The following IGSF11 variants were observed in gnomAD, a reference collection of about 807,000 sequenced individuals.
IGSF11 encodes the protein immunoglobulin superfamily member 11.
A neutral mutation model predicts 41.0 loss-of-function variants in IGSF11; 22 were observed. That is an observed-to-expected ratio of 0.54 (90% confidence interval 0.38 to 0.77). The LOEUF (loss-of-function observed/expected upper bound fraction) is 0.77, where lower values mean the gene tolerates loss of function less well. Among genes scored for constraint, IGSF11 ranks in the 30% least tolerant of loss-of-function variants. The probability of loss-of-function intolerance (pLI) is 0.00; values close to 1 mark genes in which losing one functional copy is unlikely to be tolerated. For synonymous variants in IGSF11, 219 were observed against 201.3 expected, an observed-to-expected ratio of 1.09 and a Z score of -0.74; for missense variants, 444 against 530.8, an observed-to-expected ratio of 0.84 and a Z score of 1.61.
At chr3:119,109,458 C>T (rs897559251), upstream of IGSF11, among the ~76,000 whole-genome samples, 11 of 151,996 alleles carry the variant, frequency 7.2e-5, no homozygotes, top group African/African-American at 1.9e-4. Context: ...TTTTTTATTG[C>T]GTCTATTTGA....
intron 1 of IGSF11, among the ~76,000 whole-genome samples, chr3:119,136,199 A>G (rs2077559234): frequency 6.6e-6 from 1 of 152,154 alleles, no homozygotes; most frequent in Non-Finnish European, 1.5e-5. Flanking sequence ...GTACCCTAGT[A>G]CTTAAAGTAT....
chr3:119,106,734 C>A (rs1264374831), upstream of IGSF11, among the ~76,000 whole-genome samples: 4 of 152,114 alleles, frequency 2.6e-5, no homozygotes, highest in East Asian at 7.7e-4. Flanking sequence ...CTATCCCTCC[C>A]CCCTCCTCCC....
intron 1 of IGSF11, among the ~76,000 whole-genome samples, chr3:119,095,452 G>A (rs1451084633): frequency 1.3e-5 from 2 of 152,160 alleles, no homozygotes; most frequent in South Asian, 2.1e-4. Flanking sequence ...TCAAGTCTTA[G>A]CTAAAATATC....
chr3:118,946,218 A>T (rs1944124579), intron 1 of IGSF11, among the ~76,000 whole-genome samples: 1 of 151,692 alleles, frequency 6.6e-6, no homozygotes, highest in African/African-American at 2.4e-5. Context: ...ACACACACAC[A>T]CACACACAAA....
intron 1 of IGSF11, among the ~76,000 whole-genome samples, chr3:119,056,749 C>A (rs1029882754): frequency 1.3e-5 from 2 of 152,166 alleles, no homozygotes; most frequent in Admixed American, 6.5e-5. Flanking sequence ...CCGAATCCAG[C>A]AGCACATCAA....
intron 1 of IGSF11, among the ~76,000 whole-genome samples, chr3:119,118,172 A>G (rs759779522): frequency 6.6e-6 from 1 of 151,908 alleles, no homozygotes; most frequent in Non-Finnish European, 1.5e-5. Flanking sequence ...CCCAGTAGGG[A>G]CTCTGTGTGG....
intron 1 of IGSF11, among the ~76,000 whole-genome samples, chr3:118,949,632 T>G (rs920234036): frequency 6.6e-6 from 1 of 152,242 alleles, no homozygotes; most frequent in South Asian, 2.1e-4. Flanking sequence ...GCATGTATTA[T>G]TCTCAACATT....
intron 3 of IGSF11, among the ~76,000 whole-genome samples, chr3:118,927,440 T>G (rs956714693): frequency 1.3e-5 from 2 of 152,176 alleles, no homozygotes; most frequent in Admixed American, 1.3e-4. Context: ...GTACTCAGAG[T>G]ATTTTATAAT....
At chr3:118,942,069 AAGACG>A (rs1199222475) in intron 1 of IGSF11, among the ~76,000 whole-genome samples, 2 of 152,238 alleles carry the variant, frequency 1.3e-5, no homozygotes, top group African/African-American at 4.8e-5. Context: ...TAGTGAACAC[AAGACG>A]AGACATTTGT....
rs1941320362 is a variant in IGSF11 at position 119,045,765 on chromosome 3, CA to C, written c.49+59378del. 5.3e-5 allele frequency among the ~76,000 whole-genome samples: 8 copies of C among 151,890 alleles called. No homozygotes were observed. The South Asian group carries it at 1.7e-3, about 32-fold the overall frequency. On this transcript the variant is annotated intron_variant, in intron 1 of 6. Transcript: ENST00000354673. Reference sequence around the variant, plus strand: ...CCCTGTCTGACAGCTTTGAAGAGAGCAGTGGTTCTCCCAGCACGCAGCTGGA... The same window carrying C: ...CCCTGTCTGACAGCTTTGAAGAGAGCGTGGTTCTCCCAGCACGCAGCTGGA...
chr3:118,931,756 G>A (rs1346434121), intron 1 of IGSF11, among the ~76,000 whole-genome samples: 5 of 121,272 alleles, frequency 4.1e-5, no homozygotes, highest in African/African-American at 1.5e-4. Context: ...TTTTTTTTGA[G>A]ACAGTCTCGC....
chr3:118,989,394 C>G (rs1377958596), intron 1 of IGSF11, among the ~76,000 whole-genome samples: 1 of 151,998 alleles, frequency 6.6e-6, no homozygotes, highest in Non-Finnish European at 1.5e-5. Context: ...GCTCTGTCAC[C>G]CAGGCTGGAG....
At chr3:119,120,538 C>T (rs1419570398) in intron 1 of IGSF11, among the ~76,000 whole-genome samples, 2 of 152,222 alleles carry the variant, frequency 1.3e-5, no homozygotes, top group Non-Finnish European at 2.9e-5. Context: ...CAGTGGAATG[C>T]AATCAATTGT....
chr3:119,093,132 ATATT>A (rs1190625210), intron 1 of IGSF11, among the ~76,000 whole-genome samples: 4 of 152,258 alleles, frequency 2.6e-5, no homozygotes, highest in Non-Finnish European at 5.9e-5. Flanking sequence ...ACACAAAGGT[ATATT>A]TAAAGTGTGA....
At chr3:118,938,235 C>T (rs12491833) in intron 1 of IGSF11, among the ~76,000 whole-genome samples, 62,369 of 152,080 alleles carry the variant, frequency 0.41, 16,344 homozygotes, top group African/African-American at 0.73. Flanking sequence ...TTCCTCCTGA[C>T]TTCATATCTG....
intron 1 of IGSF11, among the ~76,000 whole-genome samples, chr3:119,130,364 C>G (rs2077464610): frequency 6.6e-6 from 1 of 152,198 alleles, no homozygotes; most frequent in Non-Finnish European, 1.5e-5. Context: ...AAATACTGCA[C>G]TTTTCCCATG....
chr3:119,141,115 A>C (rs532536261), intron 1 of IGSF11, among the ~76,000 whole-genome samples: 24 of 151,792 alleles, frequency 1.6e-4, no homozygotes, highest in Non-Finnish European at 2.2e-4. Context: ...CAACAGAAAA[A>C]ATTTAGAAAA....
intron 1 of IGSF11, among the ~76,000 whole-genome samples, chr3:119,016,922 A>G (rs190486548): frequency 2.0e-5 from 3 of 152,188 alleles, no homozygotes; most frequent in Non-Finnish European, 4.4e-5. Flanking sequence ...TGTTTATGAA[A>G]TAAACATGTA....
At chr3:119,115,876 A>C (rs188106303) in intron 1 of IGSF11, among the ~76,000 whole-genome samples, 1 of 152,340 alleles carries the variant, frequency 6.6e-6, no homozygotes, top group African/African-American at 2.4e-5. Flanking sequence ...TTCCCTCAAA[A>C]ATTTATAAAA....
Sources: allele counts gnomAD v4.1 joint callset (sites outside exome capture counted in the v4.1 genomes callset), GRCh38; gene constraint gnomAD v4.1.1; transcripts MANE v1.5; gene names NCBI Gene and HGNC (gene_info 2026-07-23, HGNC 2026-07-21).